STXBP6: variants seen among roughly 807,000 people sequenced by gnomAD.
STXBP6 encodes syntaxin binding protein 6, also known as syntaxin-binding protein 6.
In STXBP6, 21 loss-of-function variants were observed where a neutral mutation model predicts 26.9. The observed-to-expected ratio is 0.78, with a 90% CI of 0.55 to 1.12. The LOEUF is 1.12. Among genes scored for constraint, STXBP6 ranks in the 50% most tolerant of loss-of-function variants. STXBP6 has a pLI of 0.00. For synonymous variants in STXBP6, 97 were observed against 92.6 expected (o/e 1.05, Z -0.27); for missense variants, 232 against 257.9 (o/e 0.90, Z 0.69).
chr14:24,888,937 T>C (rs901833972), intron 2 of STXBP6, among the ~76,000 whole-genome samples: 3 of 152,022 alleles, frequency 2.0e-5, no homozygotes, highest in Admixed American at 1.3e-4. Context: ...CTGCCCCTTT[T>C]CCTCTTTTTG....
At chr14:25,011,677 T>C (rs1396766789) in intron 1 of STXBP6, among the ~76,000 whole-genome samples, 1 of 152,150 alleles carries the variant, frequency 6.6e-6, no homozygotes, top group Non-Finnish European at 1.5e-5. Flanking sequence ...TAAAAATAAA[T>C]GAGAGTCCCA....
At chr14:24,814,331 T>TG (rs2067908655) in intron 5 of STXBP6, among the ~76,000 whole-genome samples, 1 of 152,270 alleles carries the variant, frequency 6.6e-6, no homozygotes, top group Non-Finnish European at 1.5e-5. Context: ...CTTCTTGCTC[T>TG]GCTTCTAGTT....
intron 2 of STXBP6, among the ~76,000 whole-genome samples, chr14:24,946,091 A>G (rs2072979373): frequency 6.6e-6 from 1 of 152,230 alleles, no homozygotes; most frequent in Admixed American, 6.5e-5. Flanking sequence ...AAGGAACATA[A>G]ACTCAACTAT....
chr14:24,813,690 T>TC (rs71449213), intron 5 of STXBP6, among the ~76,000 whole-genome samples: 10,297 of 152,280 alleles, frequency 0.068, 414 homozygotes, highest in Middle Eastern at 0.11. Context: ...GTCATCTGCA[T>TC]CCTGACCAGG....
At chr14:24,924,483 T>C (rs947122840) in intron 2 of STXBP6, among the ~76,000 whole-genome samples, 2 of 152,182 alleles carry the variant, frequency 1.3e-5, no homozygotes, top group Admixed American at 6.5e-5. Flanking sequence ...TTGAGTTCAC[T>C]TAGAAATAGA....
chr14:25,013,093 T>TAAC (rs899282383), intron 1 of STXBP6, among the ~76,000 whole-genome samples: 22 of 152,088 alleles, frequency 1.4e-4, no homozygotes, highest in African/African-American at 4.6e-4. Context: ...CCCCACCTCT[T>TAAC]AACAACAACA....
intron 1 of STXBP6, among the ~76,000 whole-genome samples, chr14:24,978,115 G>A (rs1017379421): frequency 3.9e-5 from 6 of 152,168 alleles, no homozygotes; most frequent in Non-Finnish European, 8.8e-5. Flanking sequence ...AAGTAAAAGG[G>A]GTACTGTCAT....
At chr14:24,899,219 A>T (rs1202430974) in intron 2 of STXBP6, among the ~76,000 whole-genome samples, 1 of 152,230 alleles carries the variant, frequency 6.6e-6, no homozygotes, top group Non-Finnish European at 1.5e-5. Context: ...AATTAATTTC[A>T]ATAAAATTAA....
At chr14:24,945,972 T>A (rs2072974043) in intron 2 of STXBP6, among the ~76,000 whole-genome samples, 1 of 152,220 alleles carries the variant, frequency 6.6e-6, no homozygotes. Context: ...GAAAAAGATC[T>A]GAAAACGTTT....
chr14:24,857,633 T>C (rs1049012905), intron 2 of STXBP6, among the ~76,000 whole-genome samples: 1 of 151,976 alleles, frequency 6.6e-6, no homozygotes, highest in African/African-American at 2.4e-5. Flanking sequence ...AGTGTAAACA[T>C]CTTAGGCTTC....
chr14:24,861,370 G>A (rs2069532503), intron 2 of STXBP6, among the ~76,000 whole-genome samples: 1 of 152,150 alleles, frequency 6.6e-6, no homozygotes, highest in African/African-American at 2.4e-5. Context: ...TGCCAGAGGT[G>A]ACTAAGGGAA....
intron 2 of STXBP6, among the ~76,000 whole-genome samples, chr14:24,872,834 C>G (rs2069987831): frequency 6.6e-6 from 1 of 152,200 alleles, no homozygotes; most frequent in African/African-American, 2.4e-5. Flanking sequence ...TACATCTTCC[C>G]TCTGCCACAT....
intron 1 of STXBP6, among the ~76,000 whole-genome samples, chr14:24,992,772 T>C (rs1401837794): frequency 6.6e-6 from 1 of 152,110 alleles, no homozygotes; most frequent in African/African-American, 2.4e-5. Context: ...CAGCACAGCA[T>C]CCCAGCCCTA....
intron 2 of STXBP6, among the ~76,000 whole-genome samples, chr14:24,885,151 T>C (rs974275646): frequency 1.3e-5 from 2 of 152,066 alleles, no homozygotes; most frequent in Non-Finnish European, 2.9e-5. Flanking sequence ...TATCTGAAAA[T>C]CTAAGAGGAC....
At chr14:24,943,609 C>T (rs1380293994) in intron 2 of STXBP6, among the ~76,000 whole-genome samples, 1 of 152,180 alleles carries the variant, frequency 6.6e-6, no homozygotes, top group East Asian at 1.9e-4. Flanking sequence ...GCCAGGTTTA[C>T]TTCTGAAGGA....
chr14:25,005,988 CTTTTGGGATTTTGATG>C (rs2074888394), intron 1 of STXBP6, among the ~76,000 whole-genome samples: 1 of 152,066 alleles, frequency 6.6e-6, no homozygotes. Flanking sequence ...GGATTTTGAT[CTTTTGGGATTTTGATG>C]TTCAGAACTT....
At chr14:25,042,282 T>A (rs1386767403) in intron 1 of STXBP6, among the ~76,000 whole-genome samples, 1 of 152,168 alleles carries the variant, frequency 6.6e-6, no homozygotes, top group Non-Finnish European at 1.5e-5. Context: ...TTACAGCTCA[T>A]AATGTCCTCA....
chr14:25,029,765 GA>G (rs2075417536), intron 1 of STXBP6, among the ~76,000 whole-genome samples: 1 of 152,090 alleles, frequency 6.6e-6, no homozygotes, highest in East Asian at 1.9e-4. Context: ...ACATAATTAG[GA>G]AGAGGAAAAA....
intron 2 of STXBP6, among the ~76,000 whole-genome samples, chr14:24,922,048 T>A (rs1041979396): frequency 6.6e-6 from 1 of 152,040 alleles, no homozygotes; most frequent in African/African-American, 2.4e-5. Context: ...ACTCCTGTCA[T>A]CTTCCAGTCA....
Sources: gnomAD v4.1 joint callset for allele counts (sites outside exome capture counted in the v4.1 genomes callset) on GRCh38, gnomAD v4.1.1 for gene constraint, MANE v1.5 for transcripts, NCBI Gene and HGNC (gene_info 2026-07-23, HGNC 2026-07-21) for gene names.